C12orf54: variants seen among roughly 807,000 people sequenced by gnomAD.
C12orf54 encodes the protein chromosome 12 open reading frame 54.
Under a neutral mutation model 26.4 loss-of-function variants are expected in C12orf54, and 24 were observed. The observed-to-expected ratio is 0.91, with a 90% confidence interval of 0.66 to 1.28. The LOEUF is 1.28. Among genes scored for constraint, C12orf54 ranks in the 50% most tolerant of loss-of-function variants. The pLI, the probability that C12orf54 is intolerant of heterozygous loss-of-function variation, is 0.00. For synonymous variants in C12orf54, 54 were observed against 47.0 expected, an observed-to-expected ratio of 1.15 and a Z score of -0.61; for missense variants, 154 against 150.9, an observed-to-expected ratio of 1.02 and a Z score of -0.11.
At position 48,488,945 on chromosome 12, in the gene C12orf54, A is replaced by G. The variant is rs748107750; in HGVS notation, c.157A>G (p.Ile53Val). 2 of 1,611,260 alleles carry G rather than the reference A, an allele frequency of 1.2e-6. No individual in the cohort carries two copies. The highest frequency in any genetic ancestry group is 1.7e-6 in the Non-Finnish European group (2 of 1,177,656). Reference sequence around the variant, plus strand: ...TCAGGTGCTGACAGTTTTTAAGGATATACAAAAGGAGGTGAGATTAGATTT... The same window carrying G: ...TCAGGTGCTGACAGTTTTTAAGGATGTACAAAAGGAGGTGAGATTAGATTT... ...WDQVLTVFKD[I>V]QKELQEDARI... The change falls in exon 5 of 9, where the codon ATA becomes GTA. Residue 53 changes from isoleucine to valine, a missense_variant. Physicochemically the swap from Ile to Val is conservative, Grantham distance 29. Transcript: ENST00000548364.
chr12:48,475,301 A>G, the C12orf54 span, among the ~76,000 whole-genome samples: 1 of 112,974 alleles, frequency 8.9e-6, no homozygotes, highest in Admixed American at 1.1e-4. Flanking sequence ...TGGGAAAAAA[A>G]GAGAAGAAAA....
chr12:48,485,484 C>A (rs1209255784), intron 2 of C12orf54, among the ~76,000 whole-genome samples: 2 of 152,096 alleles, frequency 1.3e-5, no homozygotes, highest in Admixed American at 6.5e-5. Context: ...CTAGCAGGAA[C>A]CCCTGGGCAA....
the C12orf54 span, among the ~76,000 whole-genome samples, chr12:48,426,870 G>T: frequency 1.3e-5 from 2 of 151,912 alleles, no homozygotes; most frequent in Non-Finnish European, 2.9e-5. Context: ...GGCTGATATG[G>T]CTCTCAGCTT....
the C12orf54 span, among the ~76,000 whole-genome samples, chr12:48,428,608 C>T: frequency 6.6e-6 from 1 of 151,952 alleles, no homozygotes; most frequent in Non-Finnish European, 1.5e-5. Flanking sequence ...AACCCTCCTA[C>T]CTTAAATCAG....
the C12orf54 span, among the ~76,000 whole-genome samples, chr12:48,454,417 G>A: frequency 6.6e-6 from 1 of 152,010 alleles, no homozygotes; most frequent in Admixed American, 6.6e-5. Flanking sequence ...TCTTTAATTC[G>A]ATTAATCAGA....
chr12:48,426,637 G>T, the C12orf54 span, among the ~76,000 whole-genome samples: 1 of 152,090 alleles, frequency 6.6e-6, no homozygotes, highest in African/African-American at 2.4e-5. Flanking sequence ...TTGGTAGTTT[G>T]ATAAGAATAG....
the C12orf54 span, among the ~76,000 whole-genome samples, chr12:48,413,444 G>A: frequency 7.2e-3 from 1,103 of 152,284 alleles, 19 homozygotes; most frequent in African/African-American, 0.025. Flanking sequence ...AGAAGAGGGC[G>A]GTCCTGAGGC....
chr12:48,432,261 T>A, the C12orf54 span, among the ~76,000 whole-genome samples: 1 of 152,180 alleles, frequency 6.6e-6, no homozygotes, highest in African/African-American at 2.4e-5. Flanking sequence ...ATGCCTATTG[T>A]GTGACAGACA....
chr12:48,427,311 C>A, the C12orf54 span, among the ~76,000 whole-genome samples: 4 of 151,992 alleles, frequency 2.6e-5, no homozygotes, highest in South Asian at 2.1e-4. Flanking sequence ...TTATCAAAAG[C>A]CTTTGCTGTA....
the C12orf54 span, among the ~76,000 whole-genome samples, chr12:48,428,138 C>A: frequency 6.6e-6 from 1 of 152,030 alleles, no homozygotes; most frequent in African/African-American, 2.4e-5. Context: ...ACTAGCGACA[C>A]AACCTATCAA....
At chr12:48,421,562 C>T in the C12orf54 span, among the ~76,000 whole-genome samples, 1 of 133,642 alleles carries the variant, frequency 7.5e-6, no homozygotes, top group East Asian at 2.6e-4. Flanking sequence ...TGGAGTCTCA[C>T]CCTGTCAGCC....
chr12:48,429,079 C>T, the C12orf54 span, among the ~76,000 whole-genome samples: 1 of 152,096 alleles, frequency 6.6e-6, no homozygotes, highest in African/African-American at 2.4e-5. Flanking sequence ...ATGATCATCT[C>T]AATAGATGCA....
chr12:48,425,334 T>C, the C12orf54 span, among the ~76,000 whole-genome samples: 1 of 152,108 alleles, frequency 6.6e-6, no homozygotes, highest in Non-Finnish European at 1.5e-5. Flanking sequence ...ACATGCAGTA[T>C]TTGGTTTTCT....
chr12:48,473,009 C>T, the C12orf54 span: 180,778 of 1,613,814 alleles, frequency 0.11, 21,871 homozygotes, highest in East Asian at 0.63. Flanking sequence ...TAGAAAACCT[C>T]GAGAGCTTAG....
At chr12:48,433,927 G>C in the C12orf54 span, among the ~76,000 whole-genome samples, 1 of 152,150 alleles carries the variant, frequency 6.6e-6, no homozygotes, top group African/African-American at 2.4e-5. Flanking sequence ...AGGACAGTGG[G>C]TGCAGTGCAC....
At chr12:48,452,142 A>G in the C12orf54 span, among the ~76,000 whole-genome samples, 52,244 of 151,964 alleles carry the variant, frequency 0.34, 9,997 homozygotes, top group East Asian at 0.69. Flanking sequence ...CAGACACATA[A>G]ATCAATGGAA....
intron 6 of C12orf54, among the ~76,000 whole-genome samples, chr12:48,491,642 T>C (rs530524280): frequency 6.6e-6 from 1 of 152,196 alleles, no homozygotes; most frequent in East Asian, 1.9e-4. Flanking sequence ...GCAGGGAGGC[T>C]AGAATGGAAT....
At chr12:48,472,698 C>T in the C12orf54 span, 142 of 1,614,088 alleles carry the variant, frequency 8.8e-5, no homozygotes, top group Middle Eastern at 1.3e-3. Context: ...TTTAGAGCTG[C>T]GGAACAGGAC....
At chr12:48,419,697 G>C in the C12orf54 span, among the ~76,000 whole-genome samples, 1 of 152,268 alleles carries the variant, frequency 6.6e-6, no homozygotes, top group Non-Finnish European at 1.5e-5. Flanking sequence ...GGGATGAAAA[G>C]AAGTGATAAG....
Sources: gnomAD v4.1 joint callset for allele counts (sites outside exome capture counted in the v4.1 genomes callset) on GRCh38, gnomAD v4.1.1 for gene constraint, MANE v1.5 for transcripts, NCBI Gene and HGNC (gene_info 2026-07-23, HGNC 2026-07-21) for gene names.